ZNF469: variants seen among roughly 807,000 people sequenced by gnomAD.
ZNF469 encodes zinc finger protein 469.
In ZNF469, 1 loss-of-function variant was observed where a neutral mutation model predicts 1.0. The observed-to-expected ratio is 1.00, with a 90% CI of 0.35 to 4.73. ZNF469 has a LOEUF of 4.73. Ranked by LOEUF, ZNF469 falls within the 30% of genes most tolerant of loss-of-function variation. ZNF469 has a pLI of 0.16. For synonymous variants in ZNF469, 2,703 were observed against 2,363.4 expected, an observed-to-expected ratio of 1.14 and a Z score of -4.17; for missense variants, 6,100 against 5,356.3, an observed-to-expected ratio of 1.14 and a Z score of -4.33.
At chr16:88,229,638 T>TGTGGATATAACGC in the ZNF469 span, among the ~76,000 whole-genome samples, 1 of 133,074 alleles carries the variant, frequency 7.5e-6, no homozygotes, top group Non-Finnish European at 1.6e-5. Context: ...GGATGTCACG[T>TGTGGATATAACGC]GTGTGTGCTG....
the ZNF469 span, among the ~76,000 whole-genome samples, chr16:88,345,991 ATTCT>A: frequency 6.6e-6 from 1 of 152,150 alleles, no homozygotes; most frequent in Non-Finnish European, 1.5e-5. Flanking sequence ...TGTTCCCATT[ATTCT>A]TGGCGGGGGC....
In ZNF469 at chr16:88,440,349, G is replaced by A. The variant is rs1906912883; in HGVS notation, c.*1017G>A. 1 of 152,054 alleles carries A rather than the reference G, an allele frequency of 6.6e-6. No individual in the cohort carries two copies. Among genetic ancestry groups the A allele is most frequent in the Non-Finnish European group, 1.5e-5 (1 of 67,996 alleles). 9.4% of individuals were successfully genotyped at this position (152,054 alleles called of 1,614,324 possible). A position where few individuals can be genotyped will look rare whatever the true frequency, so the allele number is the denominator to read the frequency against. ...TGTGCTGCCAGACGGGGATGCTCAG[G>A]GCTGGGGCTGCAGAGCCGCTGCCCT... On this transcript the variant is annotated 3_prime_UTR_variant, in exon 3 of 3. Transcript: ENST00000565624.
At chr16:88,380,285 A>G (rs1045504395), upstream of ZNF469, among the ~76,000 whole-genome samples, 3 of 54,374 alleles carry the variant, frequency 5.5e-5, no homozygotes, top group Non-Finnish European at 5.4e-5. Flanking sequence ...CCAGACATGC[A>G]CACACACACA....
At position 88,428,234 on chromosome 16, in the gene ZNF469, C is replaced by A. The variant is rs930744713; in HGVS notation, c.764C>A (p.Pro255Gln). 1 of 1,550,342 alleles carries A rather than the reference C, an allele frequency of 6.5e-7. No homozygotes were observed. Among genetic ancestry groups the A allele is most frequent in the Non-Finnish European group, 8.7e-7 (1 of 1,146,936 alleles). ...AATTTCGGGGTTCCCCCCGCCGAGC[C>A]GGAACCTATTCCCAAAGGCAGCAGG... ...GANFGVPPAE[P>Q]EPIPKGSRPG... The change falls in exon 3 of 3, where the codon CCG becomes CAG. Residue 255 changes from proline (P) to glutamine (Q), a missense_variant. Physicochemically the swap from Pro to Gln is moderately conservative, Grantham distance 76 (BLOSUM62 -1). Coordinates refer to ENST00000565624, the MANE Select transcript of ZNF469 (RefSeq NM_001367624.2).
the ZNF469 span, among the ~76,000 whole-genome samples, chr16:88,196,974 C>G: frequency 1.3e-5 from 2 of 152,188 alleles, no homozygotes; most frequent in African/African-American, 2.4e-5. Flanking sequence ...CCACCTCTCA[C>G]CTGGGTCATG....
rs542392204 is a variant in ZNF469, at chr16:88,404,862, T to C, written c.-191-19945T>C. ...ACCCGTGAATCCCCACCTGGGGTCA[T>C]GTTGGTCAGGACACTTTTCAGCTTC... is the stretch of plus-strand genomic sequence containing the variant. On this transcript the variant is annotated intron_variant, in intron 1 of 2. Coordinates refer to ENST00000565624, the MANE Select transcript of ZNF469 (RefSeq NM_001367624.2). Among the ~76,000 whole-genome samples the C allele has an allele frequency of 8.5e-5, 13 of 152,298 alleles. 1 individual carries two copies. In the East Asian group the frequency reaches 2.3e-3, roughly 27 times the overall value.
chr16:88,203,494 G>T, the ZNF469 span, among the ~76,000 whole-genome samples: 1 of 152,244 alleles, frequency 6.6e-6, no homozygotes, highest in East Asian at 1.9e-4. Flanking sequence ...AATGACGGTG[G>T]GGGCGGGGAC....
the ZNF469 span, among the ~76,000 whole-genome samples, chr16:88,353,961 C>T: frequency 3.3e-5 from 5 of 152,224 alleles, no homozygotes; most frequent in Non-Finnish European, 7.3e-5. Flanking sequence ...TCACATCCGC[C>T]GTGAGGGGTG....
the ZNF469 span, among the ~76,000 whole-genome samples, chr16:88,138,210 G>C: frequency 2.0e-5 from 3 of 152,200 alleles, no homozygotes; most frequent in African/African-American, 7.2e-5. Context: ...CCATAATTTT[G>C]TAGTAGTTGG....
the ZNF469 span, among the ~76,000 whole-genome samples, chr16:88,320,558 A>T: frequency 3.9e-5 from 6 of 151,980 alleles, no homozygotes; most frequent in African/African-American, 1.4e-4. Context: ...TAGTTTTTGT[A>T]TTTTTAGTAG....
chr16:88,180,799 A>G, the ZNF469 span, among the ~76,000 whole-genome samples: 38 of 151,912 alleles, frequency 2.5e-4, no homozygotes, highest in Admixed American at 7.2e-4. Flanking sequence ...ACAAACAAAT[A>G]AAAGTGCCAT....
chr16:88,241,591 T>C, the ZNF469 span, among the ~76,000 whole-genome samples: 1 of 152,074 alleles, frequency 6.6e-6, no homozygotes, highest in African/African-American at 2.4e-5. The surrounding 1 kb of genome is among the most constrained non-coding windows in gnomAD (Gnocchi z 4.8). Flanking sequence ...AGGCTCAGGG[T>C]CCTGGCAGGC....
chr16:88,143,734 T>C, the ZNF469 span, among the ~76,000 whole-genome samples: 1 of 152,248 alleles, frequency 6.6e-6, no homozygotes, highest in Non-Finnish European at 1.5e-5. Flanking sequence ...GGGAACGTTG[T>C]GAACAAGTCG....
the ZNF469 span, among the ~76,000 whole-genome samples, chr16:88,250,175 A>T: frequency 6.6e-6 from 1 of 152,112 alleles, no homozygotes; most frequent in Admixed American, 6.5e-5. Flanking sequence ...CAAGACCAAC[A>T]CCCCAGAGAT....
At chr16:88,415,419 G>C (rs1053146686) in intron 1 of ZNF469, among the ~76,000 whole-genome samples, 1 of 152,216 alleles carries the variant, frequency 6.6e-6, no homozygotes, top group Non-Finnish European at 1.5e-5. Context: ...CTGAAGGAGG[G>C]AAGAAGGCTC....
chr16:88,294,901 G>A, the ZNF469 span: 119 of 160,114 alleles, frequency 7.4e-4, no homozygotes, highest in East Asian at 0.02. Context: ...GGCCTGTGCT[G>A]TTGGGGCATC....
chr16:88,223,442 G>A, the ZNF469 span, among the ~76,000 whole-genome samples: 2 of 152,114 alleles, frequency 1.3e-5, no homozygotes, highest in East Asian at 3.8e-4. Context: ...CTTAATCAGC[G>A]GCATGAAGAA....
chr16:88,430,465 A>ACGCAGGCCCCCGGGAGCCG lies in ZNF469; in HGVS notation c.3001_3019dup (p.Asp1007GlyfsTer85). ...CCCACCCCGTCCCCGGCGCCCTAGA[A>ACGCAGGCCCCCGGGAGCCG]CGCAGGCCCCCGGGAGCCGCGCAGA... On this transcript the variant is annotated frameshift_variant, in exon 3 of 3. Transcript: ENST00000565624. LOFTEE classifies it low-confidence loss of function (END_TRUNC). 6.8e-7 allele frequency: 1 copy of ACGCAGGCCCCCGGGAGCCG among 1,467,062 alleles called. No individual in the cohort carries two copies. The highest frequency in any genetic ancestry group is 8.9e-7 in the Non-Finnish European group (1 of 1,117,656). The allele number at this position is 1,467,062 out of a possible 1,614,324, so 90.9% of individuals were successfully genotyped here. A position where few individuals can be genotyped will look rare whatever the true frequency, so the allele number is the denominator to read the frequency against.
At chr16:88,372,407 TCATCAC>T in the ZNF469 span, among the ~76,000 whole-genome samples, 2 of 137,242 alleles carry the variant, frequency 1.5e-5, no homozygotes, top group African/African-American at 2.8e-5. Flanking sequence ...ACCATCACCA[TCATCAC>T]CATCACCATC....
Sources: allele counts gnomAD v4.1 joint callset (sites outside exome capture counted in the v4.1 genomes callset), GRCh38; gene constraint gnomAD v4.1.1; non-coding constraint Gnocchi (gnomAD v3.1); transcripts MANE v1.5; gene names NCBI Gene and HGNC (gene_info 2026-07-23, HGNC 2026-07-21).